The following TNRC6B variants were observed in gnomAD, a reference collection of about 807,000 sequenced individuals.
The protein encoded by TNRC6B is trinucleotide repeat-containing gene 6B protein.
In TNRC6B, 52 loss-of-function variants were observed where a neutral mutation model predicts 203.6. The observed-to-expected ratio is 0.26, with a 90% CI of 0.20 to 0.32. TNRC6B has a LOEUF of 0.32. TNRC6B is among the 10% of genes least tolerant of loss of function. The pLI, the probability that TNRC6B is intolerant of heterozygous loss-of-function variation, is 1.00. For missense variants in TNRC6B, 1,923 were observed against 2,286.2 expected (o/e 0.84, Z 3.24); for synonymous variants, 838 against 845.7 (o/e 0.99, Z 0.16).
intron 15 of TNRC6B, among the ~76,000 whole-genome samples, chr22:40,307,263 G>A (rs2071098712): frequency 1.3e-5 from 2 of 152,230 alleles, no homozygotes; most frequent in Non-Finnish European, 1.5e-5. Context: ...GATTTGGAGA[G>A]ATGAAAATTG....
chr22:40,150,365 G>A (rs1473034251), intron 3 of TNRC6B, among the ~76,000 whole-genome samples: 2 of 152,142 alleles, frequency 1.3e-5, no homozygotes, highest in African/African-American at 2.4e-5. Context: ...GTGACAGAGC[G>A]AGACTCCATC....
intron 1 of TNRC6B, among the ~76,000 whole-genome samples, chr22:40,209,747 G>A (rs1231061621): frequency 1.3e-5 from 2 of 152,176 alleles, no homozygotes; most frequent in African/African-American, 2.4e-5. Flanking sequence ...CAGGCCAGGC[G>A]CAGTGGCTCA....
intron 1 of TNRC6B, among the ~76,000 whole-genome samples, chr22:40,201,053 G>T (rs1031459018): frequency 6.6e-6 from 1 of 152,194 alleles, no homozygotes; most frequent in African/African-American, 2.4e-5. Context: ...GGTGATACAC[G>T]TAGGGTGCTA....
At chr22:40,167,289 C>A (rs2068927992) in intron 4 of TNRC6B, among the ~76,000 whole-genome samples, 1 of 152,100 alleles carries the variant, frequency 6.6e-6, no homozygotes. Flanking sequence ...AGTCCATTGA[C>A]ACAAGGGGAA....
chr22:40,280,196 C>T, intron 10 of TNRC6B, 53 bp downstream of exon 10: 2 of 1,550,426 alleles, frequency 1.3e-6, no homozygotes, highest in South Asian at 2.3e-5. Context: ...GCTTTGGTTC[C>T]CATTTGTCTT....
intron 1 of TNRC6B, among the ~76,000 whole-genome samples, chr22:40,205,047 CAT>C (rs1205538750): frequency 2.6e-5 from 4 of 152,178 alleles, no homozygotes; most frequent in African/African-American, 7.2e-5. Context: ...GTTTGCCTAA[CAT>C]ATGTTAATTT....
chr22:40,152,207 C>CAA (rs2146348336), intron 3 of TNRC6B, among the ~76,000 whole-genome samples: 1 of 152,274 alleles, frequency 6.6e-6, no homozygotes, highest in South Asian at 2.1e-4. Flanking sequence ...AAGACACATG[C>CAA]AATACACTAG....
chr22:40,273,680 T>G, intron 7 of TNRC6B, 80 bp downstream of exon 7: 4 of 1,435,728 alleles, frequency 2.8e-6, no homozygotes, highest in Non-Finnish European at 3.7e-6. Flanking sequence ...TTGTTTTTGT[T>G]TTGAGACAAG....
chr22:40,173,794 T>TATATATATATATATATA (rs201025367), upstream of TNRC6B, among the ~76,000 whole-genome samples: 29 of 31,412 alleles, frequency 9.2e-4, no homozygotes, highest in Middle Eastern at 0.015. Context: ...TATATATATA[T>TATATATATATATATATA]TTTTTTTTTT....
intron 2 of TNRC6B, among the ~76,000 whole-genome samples, chr22:40,121,925 A>T (rs554881508): frequency 1.3e-5 from 2 of 152,250 alleles, no homozygotes; most frequent in Non-Finnish European, 2.9e-5. Flanking sequence ...GTGTATAACT[A>T]TAAAAACAAC....
At chr22:40,053,247 T>A (rs528687387) in intron 1 of TNRC6B, among the ~76,000 whole-genome samples, 120 of 152,180 alleles carry the variant, frequency 7.9e-4, no homozygotes, top group Non-Finnish European at 1.5e-3. Flanking sequence ...TTAATAAGAC[T>A]GACTTTCTTT....
chr22:40,225,323 C>G (rs1420037651), intron 1 of TNRC6B, among the ~76,000 whole-genome samples: 1 of 152,184 alleles, frequency 6.6e-6, no homozygotes, highest in Non-Finnish European at 1.5e-5. Flanking sequence ...ATACTGTATG[C>G]ACTCACTAAT....
Position 40,265,362 on chromosome 22 carries a change from A to G in TNRC6B, c.1132A>G (p.Thr378Ala), listed in dbSNP as rs893795454. 2.5e-6 allele frequency: 4 copies of G among 1,613,894 alleles called. No homozygotes were observed. The highest frequency in any genetic ancestry group is 2.7e-5 in the African/African-American group (2 of 74,930). Residue 378 changes from threonine (T) to alanine (A), a missense_variant, in exon 5 of 23, where the codon ACT becomes GCT. Physicochemically the swap from Thr to Ala is moderately conservative, Grantham distance 58. Coordinates refer to ENST00000454349, the MANE Select transcript of TNRC6B (RefSeq NM_001162501.2). ...HNTDGPKNGNTNSLNLSSPNP... is the reference protein window; with the variant it reads ...HNTDGPKNGNANSLNLSSPNP... ...CACTGATGGACCAAAAAATGGAAACACTAACTCCTTGAACTTAAGTTCACC... is the reference window on the plus strand; with the variant it reads ...CACTGATGGACCAAAAAATGGAAACGCTAACTCCTTGAACTTAAGTTCACC...
rs2068061626 is a variant in TNRC6B at position 40,081,281 on chromosome 22, C to T, written c.-120-35774C>T. ...CTAATTCTTCAATGTATCCAGGGTA[C>T]ATGATATTCCTTTAAGTGTCTGCGT... On this transcript the variant is annotated intron_variant, in intron 1 of 23. Transcript: ENST00000301923. 2.1e-5 allele frequency among the ~76,000 whole-genome samples: 3 copies of T among 145,270 alleles called. No homozygotes were observed. The Admixed American group carries it at 2.1e-4, about 10-fold the overall frequency.
chr22:40,297,499 G>A (rs770861563), intron 12 of TNRC6B, among the ~76,000 whole-genome samples: 8 of 152,092 alleles, frequency 5.3e-5, no homozygotes, highest in Non-Finnish European at 1.0e-4. Flanking sequence ...AAAGATATAC[G>A]TAAGGTCTTA....
intron 3 of TNRC6B, among the ~76,000 whole-genome samples, chr22:40,141,352 C>T (rs904563981): frequency 7.2e-5 from 11 of 151,896 alleles, no homozygotes; most frequent in Admixed American, 3.3e-4. Flanking sequence ...ACTACAGGCA[C>T]GCACCACCAT....
chr22:40,116,927 G>C (rs754775362), intron 1 of TNRC6B: 6 of 152,366 alleles, frequency 3.9e-5, no homozygotes, highest in Non-Finnish European at 4.4e-5. Context: ...TGAGGGGTTG[G>C]GCTGCGGGCC....
At chr22:40,090,392 C>G (rs2068140281) in intron 1 of TNRC6B, among the ~76,000 whole-genome samples, 1 of 141,296 alleles carries the variant, frequency 7.1e-6, no homozygotes. Flanking sequence ...TGTGTAGTGG[C>G]ATCTCATTGT....
intron 1 of TNRC6B, among the ~76,000 whole-genome samples, chr22:40,232,274 G>A (rs781190457): frequency 1.1e-4 from 16 of 152,172 alleles, no homozygotes; most frequent in Admixed American, 4.6e-4. Flanking sequence ...TGCCTTGCCC[G>A]GTAATTGGAT....
Sources: allele counts gnomAD v4.1 joint callset (sites outside exome capture counted in the v4.1 genomes callset), GRCh38; gene constraint gnomAD v4.1.1; transcripts MANE v1.5; gene names NCBI Gene and HGNC (gene_info 2026-07-23, HGNC 2026-07-21).